GARIN3: variants seen among roughly 807,000 people sequenced by gnomAD.
GARIN3 encodes golgi associated RAB2 interactor family member 3.
At chr5:157,163,033 C>T in the GARIN3 span, 17 of 1,614,142 alleles carry the variant, frequency 1.1e-5, no homozygotes, top group East Asian at 6.7e-5. Context: ...GCTTCCATCT[C>T]GTTCACTCAT....
chr5:157,165,349 A>C, the GARIN3 span, among the ~76,000 whole-genome samples: 2 of 152,164 alleles, frequency 1.3e-5, no homozygotes, highest in African/African-American at 2.4e-5. Flanking sequence ...GCTGATACCT[A>C]AGGTCTCTGA....
the GARIN3 span, among the ~76,000 whole-genome samples, chr5:157,164,259 C>CCTG: frequency 6.6e-6 from 1 of 150,842 alleles, no homozygotes; most frequent in Non-Finnish European, 1.5e-5. Context: ...AAGGGATTCT[C>CCTG]CTGCCTTAGC....
At chr5:157,166,054 T>G in the GARIN3 span, 1 of 1,614,226 alleles carries the variant, frequency 6.2e-7, no homozygotes, top group Non-Finnish European at 8.5e-7. Flanking sequence ...TTGAAAATGT[T>G]GTACTCTCCT....
At chr5:157,165,836 G>T in the GARIN3 span, 5 of 1,614,132 alleles carry the variant, frequency 3.1e-6, no homozygotes, top group Non-Finnish European at 4.2e-6. Flanking sequence ...TGACGGGCCT[G>T]CGACCTCTCC....
the GARIN3 span, chr5:157,163,321 C>T: frequency 5.0e-6 from 8 of 1,613,990 alleles, no homozygotes; most frequent in Admixed American, 5.0e-5. Context: ...GATAGCTGCT[C>T]CCGCCAGCGC....
chr5:157,163,514 A>T, the GARIN3 span: 2 of 1,614,160 alleles, frequency 1.2e-6, no homozygotes, highest in Non-Finnish European at 1.7e-6. Context: ...GTGCTCGTGG[A>T]TGGAGAAGCC....
the GARIN3 span, among the ~76,000 whole-genome samples, chr5:157,164,711 G>C: frequency 9.2e-5 from 14 of 152,094 alleles, no homozygotes; most frequent in African/African-American, 3.1e-4. Context: ...ACACACACAG[G>C]GTGTGCTGAT....
the GARIN3 span, among the ~76,000 whole-genome samples, chr5:157,163,997 C>T: frequency 1.4e-3 from 215 of 151,894 alleles, no homozygotes; most frequent in African/African-American, 5.0e-3. Context: ...GCAGAGGCTG[C>T]AGTGAGCCAA....
chr5:157,163,039 C>G, the GARIN3 span: 1 of 1,614,278 alleles, frequency 6.2e-7, no homozygotes, highest in Non-Finnish European at 8.5e-7. Flanking sequence ...ATCTCGTTCA[C>G]TCATGTAGCC....
chr5:157,166,167 A>G, the GARIN3 span: 17 of 1,606,228 alleles, frequency 1.1e-5, no homozygotes, highest in African/African-American at 2.7e-5. Context: ...TTCATTGCTC[A>G]TGGTTCTCTT....
the GARIN3 span, among the ~76,000 whole-genome samples, chr5:157,164,542 C>G: frequency 6.6e-6 from 1 of 152,200 alleles, no homozygotes; most frequent in East Asian, 1.9e-4. Flanking sequence ...ATTCCAGTAC[C>G]AGAGAAAGTA....
chr5:157,165,086 G>T, the GARIN3 span, among the ~76,000 whole-genome samples: 1 of 152,120 alleles, frequency 6.6e-6, no homozygotes, highest in Non-Finnish European at 1.5e-5. Context: ...AGGGTTGGAG[G>T]GGGTGAGGGA....
the GARIN3 span, chr5:157,162,868 G>A: frequency 1.9e-6 from 3 of 1,614,132 alleles, no homozygotes; most frequent in East Asian, 6.7e-5. Context: ...GGACCGGTGG[G>A]AAGACGCTTT....
the GARIN3 span, chr5:157,163,197 A>C: frequency 9.3e-6 from 15 of 1,614,160 alleles, no homozygotes; most frequent in Non-Finnish European, 1.3e-5. Flanking sequence ...TCGAGGTGGA[A>C]GTACCTTCCA....
the GARIN3 span, chr5:157,162,774 G>A: frequency 6.2e-7 from 1 of 1,614,222 alleles, no homozygotes; most frequent in Non-Finnish European, 8.5e-7. Context: ...TGGAGCTCTT[G>A]CGAGAGGAGC....
the GARIN3 span, chr5:157,163,725 CCT>C: frequency 4.6e-6 from 7 of 1,527,002 alleles, no homozygotes; most frequent in Non-Finnish European, 6.1e-6. Flanking sequence ...ACTTTCTACT[CCT>C]CTCTTATCCT....
chr5:157,162,300 T>C, the GARIN3 span: 1 of 1,245,036 alleles, frequency 8.0e-7, no homozygotes. Flanking sequence ...ACCACCAGGC[T>C]ATGGGCAGAA....
chr5:157,165,632 T>C, the GARIN3 span: 1 of 1,614,198 alleles, frequency 6.2e-7, no homozygotes, highest in Non-Finnish European at 8.5e-7. Context: ...AGTAACTCTC[T>C]ACTGGTGGCC....
the GARIN3 span, chr5:157,165,977 G>A: frequency 6.2e-7 from 1 of 1,614,182 alleles, no homozygotes; most frequent in South Asian, 1.1e-5. Context: ...GGACACGGTT[G>A]TGTACATCAA....
Sources: gnomAD v4.1 joint callset for allele counts (sites outside exome capture counted in the v4.1 genomes callset) on GRCh38, gnomAD v4.1.1 for gene constraint, MANE v1.5 for transcripts, NCBI Gene and HGNC (gene_info 2026-07-23, HGNC 2026-07-21) for gene names.